Variants in SHROOM4 observed in about 807,000 individuals in gnomAD.
SHROOM4 encodes protein Shroom4.
SHROOM4 carries 17 observed loss-of-function variants against 80.3 expected under a neutral mutation model. That is an observed-to-expected ratio of 0.21 (90% CI 0.14 to 0.32). SHROOM4 has a LOEUF of 0.32. Among genes scored for constraint, SHROOM4 ranks in the 10% least tolerant of loss-of-function variants. The probability of loss-of-function intolerance (pLI) is 1.00; values close to 1 mark genes in which losing one functional copy is unlikely to be tolerated. For synonymous variants in SHROOM4, 400 were observed against 437.5 expected, an observed-to-expected ratio of 0.91 and a Z score of 1.07; for missense variants, 993 against 1,140.3, an observed-to-expected ratio of 0.87 and a Z score of 1.86.
chrX:50,637,563 A>G (rs1931409502), intron 3 of SHROOM4, among the ~76,000 whole-genome samples: 1 of 112,807 alleles, frequency 8.9e-6, no homozygotes, highest in African/African-American at 3.2e-5. Context: ...GAATTGGGGT[A>G]AACGCAACCC....
At chrX:50,798,110 G>A (rs1293522667) in intron 1 of SHROOM4, among the ~76,000 whole-genome samples, 3 of 111,011 alleles carry the variant, frequency 2.7e-5, no homozygotes, top group Non-Finnish European at 5.7e-5. Context: ...GCAGTAAGAA[G>A]GGTAGGTTTG....
rs782027614 is a variant in SHROOM4 at position 50,694,150 on chromosome X, T to C, written c.269+1636A>G. Among the ~76,000 whole-genome samples the C allele has an allele frequency of 3.6e-5, 4 of 111,950 alleles. No individual in the cohort carries two copies. The South Asian group carries it at 1.5e-3, about 42-fold the overall frequency. On this transcript the variant is annotated intron_variant, in intron 2 of 8. Transcript: ENST00000376020. ...GGTTGATTCCATATCTTGTTTATTG[T>C]GAATAGTGCTGCAATAAACATGGGG...
intron 2 of SHROOM4, among the ~76,000 whole-genome samples, chrX:50,673,370 C>A (rs1343669867): frequency 9.0e-6 from 1 of 110,698 alleles, no homozygotes; most frequent in Non-Finnish European, 1.9e-5. Context: ...ATATCTAATA[C>A]CTATAGCAAC....
At chrX:50,796,274 G>C (rs185668041) in intron 1 of SHROOM4, among the ~76,000 whole-genome samples, 12 of 111,996 alleles carry the variant, frequency 1.1e-4, no homozygotes, top group African/African-American at 3.2e-4. Context: ...GGTTAGTGTT[G>C]GTCAGCTTGG....
At chrX:50,729,707 A>T (rs1557266151) in intron 1 of SHROOM4, among the ~76,000 whole-genome samples, 1 of 111,707 alleles carries the variant, frequency 9.0e-6, no homozygotes, top group East Asian at 2.8e-4. Flanking sequence ...AAATATTAAA[A>T]CTAAAGATAA....
At chrX:50,792,239 C>T (rs1326730654) in intron 1 of SHROOM4, among the ~76,000 whole-genome samples, 6 of 112,225 alleles carry the variant, frequency 5.3e-5, no homozygotes, top group African/African-American at 1.9e-4. Context: ...TGGCTCACGC[C>T]TGTAATTCCA....
intron 1 of SHROOM4, among the ~76,000 whole-genome samples, chrX:50,756,462 G>A (rs1449947596): frequency 1.8e-5 from 2 of 112,301 alleles, no homozygotes; most frequent in Non-Finnish European, 3.8e-5. Context: ...GAACATTCAG[G>A]TACAACTTTT....
chrX:50,794,676 TCA>T (rs1380491294), intron 1 of SHROOM4, among the ~76,000 whole-genome samples: 1 of 101,731 alleles, frequency 9.8e-6, no homozygotes. Flanking sequence ...ACACTAAAAT[TCA>T]CAGTCTCTAG....
chrX:50,674,806 A>G (rs1557261141), intron 2 of SHROOM4, among the ~76,000 whole-genome samples: 1 of 111,881 alleles, frequency 8.9e-6, no homozygotes, highest in African/African-American at 3.2e-5. Flanking sequence ...GTGGATACTG[A>G]GACTTTACAG....
chrX:50,709,519 G>T (rs938927044), intron 1 of SHROOM4, among the ~76,000 whole-genome samples: 6 of 111,951 alleles, frequency 5.4e-5, no homozygotes, highest in African/African-American at 1.9e-4. Context: ...ATGTGGTTGG[G>T]GGCCTAGATT....
chrX:50,613,621 A>G (rs917749690), intron 5 of SHROOM4, among the ~76,000 whole-genome samples: 1 of 111,876 alleles, frequency 8.9e-6, no homozygotes, highest in East Asian at 2.8e-4. Context: ...CAGGATCTAT[A>G]CGCAAAAACT....
chrX:50,657,957 C>T (rs1221280440), intron 2 of SHROOM4, among the ~76,000 whole-genome samples: 3 of 112,102 alleles, frequency 2.7e-5, no homozygotes, highest in Non-Finnish European at 5.6e-5. Context: ...GCTCTGCCCT[C>T]AGGGATGGTA....
At chrX:50,803,411 G>C (rs1936167862) in intron 1 of SHROOM4, among the ~76,000 whole-genome samples, 1 of 112,000 alleles carries the variant, frequency 8.9e-6, no homozygotes, top group African/African-American at 3.2e-5. Flanking sequence ...TACATGCTCT[G>C]CCCTTATGCT....
At chrX:50,718,342 TAGC>T (rs1934019464) in intron 1 of SHROOM4, among the ~76,000 whole-genome samples, 2 of 111,691 alleles carry the variant, frequency 1.8e-5, no homozygotes, top group South Asian at 7.6e-4. Flanking sequence ...AAAACCAATA[TAGC>T]AGCAGCAGCA....
intron 5 of SHROOM4, 81 bp from the exon 6 acceptor site, chrX:50,608,265 A>T (rs1174059595): frequency 1.3e-5 from 12 of 907,430 alleles, no homozygotes; most frequent in Non-Finnish European, 1.9e-5. Context: ...ATTTATATAA[A>T]ATTTAAAATG....
chrX:50,693,554 A>G (rs191042361), intron 2 of SHROOM4, among the ~76,000 whole-genome samples: 23 of 103,762 alleles, frequency 2.2e-4, no homozygotes, highest in African/African-American at 8.5e-4. Flanking sequence ...CGACAGAGCA[A>G]AACTCCATTT....
At chrX:50,672,310 T>C (rs1308215053) in intron 2 of SHROOM4, among the ~76,000 whole-genome samples, 3 of 111,760 alleles carry the variant, frequency 2.7e-5, no homozygotes, top group Admixed American at 9.5e-5. Flanking sequence ...ATGGTGCCAA[T>C]AGACTTGCTT....
Position 50,627,641 on chromosome X carries a change from C to T in SHROOM4, c.2930G>A (p.Gly977Glu), listed in dbSNP as rs782078045. ...FPGDKWNPITGNRKTSQSGRE... is the reference protein window; with the variant it reads ...FPGDKWNPITENRKTSQSGRE... ...CCCTGACTGGCTGGTCTTCCTGTTT[C>T]CTGTTATTGGATTCCATTTGTCCCC... Residue 977 changes from glycine (G) to glutamate (E), a missense_variant, in exon 5 of 9, where the codon GGA becomes GAA. Coordinates refer to ENST00000376020, the MANE Select transcript of SHROOM4 (RefSeq NM_020717.5). 4 of 1,211,203 alleles carry T rather than the reference C, an allele frequency of 3.3e-6. No homozygotes were observed. The highest frequency in any genetic ancestry group is 4.5e-6 in the Non-Finnish European group (4 of 895,044).
chrX:50,790,784 A>C (rs1332413720), intron 1 of SHROOM4, among the ~76,000 whole-genome samples: 1 of 111,700 alleles, frequency 9.0e-6, no homozygotes, highest in Non-Finnish European at 1.9e-5. Flanking sequence ...AATAGAATGA[A>C]ATTACCTCAA....
Sources: gnomAD v4.1 joint callset for allele counts (sites outside exome capture counted in the v4.1 genomes callset) on GRCh38, gnomAD v4.1.1 for gene constraint, MANE v1.5 for transcripts, NCBI Gene and HGNC (gene_info 2026-07-23, HGNC 2026-07-21) for gene names.